KIF6: variants seen among roughly 807,000 people sequenced by gnomAD.
KIF6 encodes kinesin family member 6, also known as kinesin-like protein KIF6.
KIF6 carries 106 observed loss-of-function variants against 112.7 expected under a neutral mutation model. That is an observed-to-expected ratio of 0.94 (90% confidence interval 0.80 to 1.11). The LOEUF is 1.11. Ranked by LOEUF, KIF6 falls within the 50% of genes least tolerant of loss-of-function variation. The pLI, the probability that KIF6 is intolerant of heterozygous loss-of-function variation, is 0.00. For missense variants in KIF6, 929 were observed against 964.0 expected (o/e 0.96, Z 0.48); for synonymous variants, 339 against 339.9 (o/e 1.00, Z 0.03).
chr6:39,533,030 G>T (rs2150547609), intron 13 of KIF6, among the ~76,000 whole-genome samples: 1 of 152,342 alleles, frequency 6.6e-6, no homozygotes, highest in South Asian at 2.1e-4. Flanking sequence ...AGGGAGGGCA[G>T]CCAAGATGGC....
At chr6:39,637,048 G>A (rs1250141859) in intron 4 of KIF6, among the ~76,000 whole-genome samples, 2 of 152,012 alleles carry the variant, frequency 1.3e-5, no homozygotes, top group Non-Finnish European at 2.9e-5. Flanking sequence ...TATTATTGCT[G>A]TAGTTATTGT....
intron 6 of KIF6, among the ~76,000 whole-genome samples, chr6:39,599,327 G>A (rs888296396): frequency 6.6e-6 from 1 of 152,216 alleles, no homozygotes; most frequent in Non-Finnish European, 1.5e-5. Flanking sequence ...GGATGCACAT[G>A]TGTGCAGACA....
intron 3 of KIF6, among the ~76,000 whole-genome samples, chr6:39,682,899 T>C (rs552000944): frequency 2.6e-5 from 4 of 152,246 alleles, no homozygotes; most frequent in African/African-American, 9.6e-5. Flanking sequence ...TCTAATGCGA[T>C]TGGGAGGTCA....
intron 22 of KIF6, among the ~76,000 whole-genome samples, chr6:39,340,722 T>C (rs557139367): frequency 1.3e-5 from 2 of 152,250 alleles, no homozygotes; most frequent in East Asian, 3.9e-4. Flanking sequence ...CTGGGGACAG[T>C]GTTAGCAGGA....
intron 13 of KIF6, among the ~76,000 whole-genome samples, chr6:39,460,042 A>C (rs1376176024): frequency 6.8e-6 from 1 of 147,374 alleles, no homozygotes; most frequent in African/African-American, 2.5e-5. Flanking sequence ...CCAAATGACT[A>C]TAAATCATGC....
At position 39,715,765 on chromosome 6, in the gene KIF6, A is replaced by AG. The variant is rs1478249054; in HGVS notation, c.177-1000dup. Among the ~76,000 whole-genome samples the AG allele has an allele frequency of 2.6e-5, 4 of 152,296 alleles. No homozygotes were observed. The Middle Eastern group carries it at 0.014, about 518-fold the overall frequency. ...ATGAACTATACAAAGAGATAATCTA[A>AG]GGCACTCTGGCTAGTATGTCATTTA... On this transcript the variant is annotated intron_variant, in intron 2 of 22. Coordinates refer to ENST00000287152, the MANE Select transcript of KIF6 (RefSeq NM_145027.6).
intron 2 of KIF6, among the ~76,000 whole-genome samples, chr6:39,719,907 C>T (rs1362321830): frequency 6.6e-6 from 1 of 152,100 alleles, no homozygotes. Flanking sequence ...CACTGGAGCC[C>T]AGCAGTTCAA....
intron 13 of KIF6, among the ~76,000 whole-genome samples, chr6:39,518,161 A>T (rs1744054053): frequency 1.3e-5 from 2 of 152,218 alleles, no homozygotes; most frequent in Non-Finnish European, 2.9e-5. Context: ...CATTCATTTA[A>T]TATAGTACAG....
At chr6:39,562,529 A>G (rs1177011406) in intron 10 of KIF6, among the ~76,000 whole-genome samples, 1 of 152,186 alleles carries the variant, frequency 6.6e-6, no homozygotes, top group East Asian at 1.9e-4. Context: ...TTTGCCACAT[A>G]AACTCCTTAG....
intron 13 of KIF6, among the ~76,000 whole-genome samples, chr6:39,453,584 C>CA (rs1448688008): frequency 2.0e-5 from 3 of 152,116 alleles, no homozygotes; most frequent in African/African-American, 7.2e-5. Flanking sequence ...CAATGGCTAC[C>CA]AAATGGCTAT....
chr6:39,502,556 G>A (rs1439140996), intron 13 of KIF6, among the ~76,000 whole-genome samples: 1 of 152,134 alleles, frequency 6.6e-6, no homozygotes, highest in Admixed American at 6.5e-5. Context: ...TGGCAAGCAG[G>A]ATAAAAAACC....
Position 39,584,930 on chromosome 6 carries a change from C to T in KIF6, c.1045G>A (p.Ala349Thr). The change falls in exon 9 of 23, where the codon GCT (alanine) becomes ACT (threonine). Residue 349 changes from alanine to threonine, a missense_variant. By Grantham distance (58) the Ala-to-Thr change is moderately conservative. Coordinates refer to ENST00000287152, the MANE Select transcript of KIF6 (RefSeq NM_145027.6). ...AQRVALIKNE[A>T]VLNEEINPRL... ...GGGTTAATTTCTTCATTAAGAACAG[C>T]TTCATTCTTTATGAGTGCCACTCGC... 1 of 1,611,966 alleles carries T rather than the reference C, an allele frequency of 6.2e-7. No individual in the cohort carries two copies. Among genetic ancestry groups the T allele is most frequent in the Non-Finnish European group, 8.5e-7 (1 of 1,178,376 alleles).
chr6:39,469,545 A>G (rs1243804529), intron 13 of KIF6, among the ~76,000 whole-genome samples: 1 of 152,276 alleles, frequency 6.6e-6, no homozygotes, highest in East Asian at 1.9e-4. Flanking sequence ...ACAAAAAAAA[A>G]TGTTACTAGA....
chr6:39,380,328 G>A (rs920684078), intron 16 of KIF6, among the ~76,000 whole-genome samples: 1 of 152,166 alleles, frequency 6.6e-6, no homozygotes, highest in Admixed American at 6.5e-5. Flanking sequence ...TCACATCTAG[G>A]GAGCTCACAA....
intron 3 of KIF6, among the ~76,000 whole-genome samples, chr6:39,698,469 C>T (rs1788683161): frequency 6.6e-6 from 1 of 152,118 alleles, no homozygotes; most frequent in Admixed American, 6.5e-5. Context: ...GCCAAAGATT[C>T]TAGTGCTTGA....
intron 13 of KIF6, among the ~76,000 whole-genome samples, chr6:39,447,039 C>A (rs9394594): frequency 0.033 from 4,995 of 152,202 alleles, 119 homozygotes; most frequent in African/African-American, 0.042. Flanking sequence ...CAATCTGTTA[C>A]GAGTGAAAGA....
intron 13 of KIF6, among the ~76,000 whole-genome samples, chr6:39,511,484 ATTG>A (rs756898586): frequency 3.3e-5 from 5 of 152,216 alleles, no homozygotes; most frequent in Admixed American, 6.5e-5. Context: ...AAACTTTTAC[ATTG>A]TTGGTGGGAG....
intron 7 of KIF6, among the ~76,000 whole-genome samples, chr6:39,589,229 C>A (rs1243052946): frequency 1.3e-5 from 2 of 152,236 alleles, no homozygotes; most frequent in East Asian, 3.8e-4. Context: ...TTATTCACAT[C>A]TTTGCTCAAA....
intron 13 of KIF6, among the ~76,000 whole-genome samples, chr6:39,528,618 C>G (rs1404729710): frequency 6.6e-6 from 1 of 152,238 alleles, no homozygotes; most frequent in Non-Finnish European, 1.5e-5. Context: ...CTTTTCTCCA[C>G]ATCCTCCCCA....
Sources: allele counts gnomAD v4.1 joint callset (sites outside exome capture counted in the v4.1 genomes callset), GRCh38; gene constraint gnomAD v4.1.1; transcripts MANE v1.5; gene names NCBI Gene and HGNC (gene_info 2026-07-23, HGNC 2026-07-21).